Variants in GAD2 observed in about 807,000 individuals in gnomAD.
GAD2 encodes glutamate decarboxylase 2.
A neutral mutation model predicts 80.1 loss-of-function variants in GAD2; 22 were observed. The observed-to-expected ratio is 0.27, with a 90% CI of 0.20 to 0.39. GAD2 has a LOEUF of 0.39. GAD2 is among the 10% of genes least tolerant of loss of function. The pLI is 1.00. For missense variants in GAD2, 624 were observed against 738.4 expected (o/e 0.85, Z 1.80); for synonymous variants, 274 against 256.9 (o/e 1.07, Z -0.64).
intron 8 of GAD2, among the ~76,000 whole-genome samples, chr10:26,259,788 T>A (rs572021091): frequency 3.9e-5 from 6 of 152,294 alleles, no homozygotes; most frequent in South Asian, 2.1e-4. Context: ...CCAAATCCAA[T>A]GTTATGAATG....
intron 8 of GAD2, among the ~76,000 whole-genome samples, chr10:26,246,460 C>T (rs1160287831): frequency 6.6e-6 from 1 of 152,140 alleles, no homozygotes; most frequent in Non-Finnish European, 1.5e-5. Flanking sequence ...CAGGGGAAAT[C>T]CCTGTCTTAA....
intron 7 of GAD2, among the ~76,000 whole-genome samples, chr10:26,237,367 C>CG (rs1219706320): frequency 6.6e-6 from 1 of 152,166 alleles, no homozygotes; most frequent in African/African-American, 2.4e-5. Context: ...CATGACCCTT[C>CG]GTCTCCTCCT....
At chr10:26,238,297 A>T (rs937569409) in intron 7 of GAD2, among the ~76,000 whole-genome samples, 5 of 152,200 alleles carry the variant, frequency 3.3e-5, no homozygotes, top group Non-Finnish European at 4.4e-5. Context: ...TCAGCATGAG[A>T]AAGTAATTTG....
In GAD2 at chr10:26,301,043, T is replaced by C. The variant is rs1834324822; in HGVS notation, c.*82T>C. 1 of 1,216,018 alleles carries C rather than the reference T, an allele frequency of 8.2e-7. No individual in the cohort carries two copies. The highest frequency in any genetic ancestry group is 1.2e-6 in the Non-Finnish European group (1 of 841,510). The allele number at this position is 1,216,018 out of a possible 1,614,324, so 75.3% of individuals were successfully genotyped here. On this transcript the variant is annotated 3_prime_UTR_variant, in exon 16 of 16. Coordinates refer to ENST00000376261, the MANE Select transcript of GAD2 (RefSeq NM_001134366.2). Reference sequence around the variant, plus strand: ...ACTGTGTGAATGTATTTGTAGTTTGTTCCAAAGTAAATCTATTTCTATATT... The same window carrying C: ...ACTGTGTGAATGTATTTGTAGTTTGCTCCAAAGTAAATCTATTTCTATATT...
chr10:26,282,513 T>C lies in GAD2; in HGVS notation c.1236+1426T>C, dbSNP rs188389822. Among the ~76,000 whole-genome samples, 414 of 152,176 alleles carry C rather than the reference T, an allele frequency of 2.7e-3. 1 individual carries two copies. Among genetic ancestry groups the C allele is most frequent in the African/African-American group, 9.6e-3 (398 of 41,558 alleles). ...CCTCATATACCTCATATATACATGT[T>C]GATTCTTCTTTATATTTTACATTAT... is the stretch of plus-strand genomic sequence containing the variant. On this transcript the variant is annotated intron_variant, in intron 12 of 15. Coordinates refer to ENST00000376261, the MANE Select transcript of GAD2 (RefSeq NM_001134366.2).
chr10:26,270,933 C>T (rs1845129579), intron 10 of GAD2, among the ~76,000 whole-genome samples, 177 bp downstream of exon 10: 1 of 152,098 alleles, frequency 6.6e-6, no homozygotes. Flanking sequence ...CAGTACACAC[C>T]GTGCACCAGA....
At chr10:26,269,551 T>C (rs907696799) in intron 9 of GAD2, among the ~76,000 whole-genome samples, 2 of 152,240 alleles carry the variant, frequency 1.3e-5, no homozygotes, top group African/African-American at 4.8e-5. Flanking sequence ...GGGCCAGTTT[T>C]TCCCGTGTAG....
At chr10:26,276,892 C>T (rs551535092) in intron 11 of GAD2, among the ~76,000 whole-genome samples, 1 of 152,302 alleles carries the variant, frequency 6.6e-6, no homozygotes, top group African/African-American at 2.4e-5. Context: ...GAACCTCTGT[C>T]ATAGGCAAGC....
At chr10:26,259,059 C>G (rs1352244387) in intron 8 of GAD2, among the ~76,000 whole-genome samples, 1 of 152,166 alleles carries the variant, frequency 6.6e-6, no homozygotes, top group East Asian at 1.9e-4. Flanking sequence ...CTCAGGTGAT[C>G]CACCCACCTC....
At chr10:26,256,486 G>A (rs567299741) in intron 8 of GAD2, among the ~76,000 whole-genome samples, 64 of 152,152 alleles carry the variant, frequency 4.2e-4, no homozygotes, top group Admixed American at 1.2e-3. Context: ...TTCCCAGTCC[G>A]GGATCACACG....
At chr10:26,242,003 CAG>C (rs1279064905) in intron 7 of GAD2, among the ~76,000 whole-genome samples, 1 of 149,520 alleles carries the variant, frequency 6.7e-6, no homozygotes, top group African/African-American at 2.6e-5. Context: ...GTTTTTGAGA[CAG>C]AGTCTCACTC....
chr10:26,274,799 C>A (rs950987768), intron 11 of GAD2, among the ~76,000 whole-genome samples: 1 of 152,172 alleles, frequency 6.6e-6, no homozygotes, highest in Non-Finnish European at 1.5e-5. Context: ...GAGTCAAGAG[C>A]ATCCCACCAA....
intron 8 of GAD2, among the ~76,000 whole-genome samples, chr10:26,263,387 T>A (rs1418685647): frequency 1.3e-5 from 2 of 152,236 alleles, no homozygotes; most frequent in African/African-American, 4.8e-5. Flanking sequence ...GGTTTTGTAA[T>A]ACAAGTACTT....
At chr10:26,229,367 G>A (rs570771079) in intron 6 of GAD2, among the ~76,000 whole-genome samples, 2 of 152,196 alleles carry the variant, frequency 1.3e-5, no homozygotes, top group Non-Finnish European at 2.9e-5. Flanking sequence ...AAGCTGGGAT[G>A]GAGGCAAACC....
At chr10:26,291,874 C>T (rs904383972) in intron 13 of GAD2, among the ~76,000 whole-genome samples, 1 of 152,226 alleles carries the variant, frequency 6.6e-6, no homozygotes, top group Non-Finnish European at 1.5e-5. Context: ...ATTACAGACA[C>T]GTGAGTCATT....
At chr10:26,228,799 C>T (rs1418002535) in intron 6 of GAD2, among the ~76,000 whole-genome samples, 1 of 152,148 alleles carries the variant, frequency 6.6e-6, no homozygotes, top group Non-Finnish European at 1.5e-5. Flanking sequence ...TTCTCCACCC[C>T]ACCCCCACCA....
chr10:26,244,878 A>G (rs12098764), intron 7 of GAD2, among the ~76,000 whole-genome samples: 28,669 of 152,196 alleles, frequency 0.19, 4,611 homozygotes, highest in African/African-American at 0.44. Flanking sequence ...AAGGCTGGGC[A>G]CAGTGGCTCA....
At chr10:26,227,997 A>C (rs925120837) in intron 6 of GAD2, among the ~76,000 whole-genome samples, 7 of 152,230 alleles carry the variant, frequency 4.6e-5, no homozygotes, top group African/African-American at 1.7e-4. Flanking sequence ...CCCAGGGCTC[A>C]AGAGACAAAG....
At chr10:26,292,621 C>A (rs958915137) in intron 14 of GAD2, 49 bp downstream of exon 14, 1 of 1,332,376 alleles carries the variant, frequency 7.5e-7, no homozygotes, top group Non-Finnish European at 1.1e-6. Context: ...CAATTCCAAC[C>A]CTCATCACTG....
Sources: allele counts gnomAD v4.1 joint callset (sites outside exome capture counted in the v4.1 genomes callset), GRCh38; gene constraint gnomAD v4.1.1; transcripts MANE v1.5; gene names NCBI Gene and HGNC (gene_info 2026-07-23, HGNC 2026-07-21).